Variants in NALF1 observed in about 807,000 individuals in gnomAD.
NALF1 encodes the protein family with sequence similarity 155 member A.
Under a neutral mutation model 48.4 loss-of-function variants are expected in NALF1, and 3 were observed. The ratio of observed to expected loss-of-function variants is 0.06; its 90% CI spans 0.03 to 0.16. The LOEUF (loss-of-function observed/expected upper bound fraction) is 0.16. NALF1 is among the 10% of genes least tolerant of loss of function. NALF1 has a pLI of 1.00. For missense variants in NALF1, 526 were observed against 571.5 expected (o/e 0.92, Z 0.81); for synonymous variants, 262 against 245.7 (o/e 1.07, Z -0.62).
At chr13:107,343,621 C>T (rs547167959) in intron 1 of NALF1, among the ~76,000 whole-genome samples, 3 of 152,120 alleles carry the variant, frequency 2.0e-5, no homozygotes, top group East Asian at 1.9e-4. Context: ...TGCCCAGTCT[C>T]GGGTATGTCT....
intron 1 of NALF1, among the ~76,000 whole-genome samples, chr13:107,684,119 G>C (rs1226363557): frequency 1.4e-4 from 21 of 152,210 alleles, no homozygotes; most frequent in Non-Finnish European, 2.9e-4. Context: ...CCAGCCATCT[G>C]TGGCTCCCAA....
chr13:107,534,247 C>G (rs1488391668), intron 1 of NALF1, among the ~76,000 whole-genome samples: 1 of 151,926 alleles, frequency 6.6e-6, no homozygotes, highest in African/African-American at 2.4e-5. Context: ...CTTTTTAGAG[C>G]CACAAACATG....
intron 1 of NALF1, among the ~76,000 whole-genome samples, chr13:107,317,097 A>G (rs996336549): frequency 1.3e-5 from 2 of 152,154 alleles, no homozygotes; most frequent in Admixed American, 6.6e-5. Flanking sequence ...TTAGTAACCA[A>G]GACTATAATT....
chr13:107,199,797 T>C (rs1879471939), intron 2 of NALF1, among the ~76,000 whole-genome samples: 1 of 152,140 alleles, frequency 6.6e-6, no homozygotes, highest in South Asian at 2.1e-4. Flanking sequence ...TCTTTCTGAC[T>C]CCCAATGGAG....
chr13:107,565,096 TA>T (rs1566395304), intron 1 of NALF1, among the ~76,000 whole-genome samples: 1 of 55,342 alleles, frequency 1.8e-5, no homozygotes, highest in East Asian at 5.1e-4. Context: ...CTAGCATAAG[TA>T]AAAGACAAAA....
chr13:107,495,722 G>C (rs569132115), intron 1 of NALF1, among the ~76,000 whole-genome samples: 4 of 152,246 alleles, frequency 2.6e-5, no homozygotes, highest in African/African-American at 9.6e-5. Flanking sequence ...TTGTAGACAA[G>C]ATGGTTATCA....
chr13:107,611,983 AAGAGGAGAGG>A (rs529276071), intron 1 of NALF1, among the ~76,000 whole-genome samples: 5 of 142,384 alleles, frequency 3.5e-5, no homozygotes, highest in African/African-American at 1.3e-4. Flanking sequence ...AAGAGAAGAG[AAGAGGAGAGG>A]AGAGGAGAGA....
intron 1 of NALF1, among the ~76,000 whole-genome samples, chr13:107,545,377 A>G (rs759281458): frequency 6.6e-6 from 1 of 152,314 alleles, no homozygotes; most frequent in East Asian, 1.9e-4. Context: ...CTCCAACACC[A>G]TGATTTCAGA....
chr13:107,439,570 T>C (rs1884523290), intron 1 of NALF1, among the ~76,000 whole-genome samples: 1 of 152,224 alleles, frequency 6.6e-6, no homozygotes, highest in African/African-American at 2.4e-5. Context: ...AAAGAAGGGC[T>C]CCTCTCCAAA....
At chr13:107,513,601 C>A (rs1162666221) in intron 1 of NALF1, among the ~76,000 whole-genome samples, 2 of 151,882 alleles carry the variant, frequency 1.3e-5, no homozygotes, top group African/African-American at 2.4e-5. Context: ...ATAGAAAGCA[C>A]AAGTATTGCC....
intron 1 of NALF1, among the ~76,000 whole-genome samples, chr13:107,570,515 A>C (rs553146232): frequency 6.6e-6 from 1 of 151,464 alleles, no homozygotes; most frequent in Non-Finnish European, 1.5e-5. Context: ...GAACCAGCCT[A>C]GTATTCCTGA....
At chr13:107,267,889 G>A (rs1036085438) in intron 1 of NALF1, among the ~76,000 whole-genome samples, 6 of 151,892 alleles carry the variant, frequency 4.0e-5, no homozygotes, top group African/African-American at 9.7e-5. Flanking sequence ...GAGGATTCAC[G>A]TCTCGGGCAG....
chr13:107,220,739 C>T lies in NALF1; in HGVS notation c.916-9984G>A, dbSNP rs180680511. Reference sequence around the variant, plus strand: ...GTGAATGCTCCCGTCAGTGCACCTCCGTGTGGAGGGAGCAGAAGTCAATGG... The same window carrying T: ...GTGAATGCTCCCGTCAGTGCACCTCTGTGTGGAGGGAGCAGAAGTCAATGG... On this transcript the variant is annotated intron_variant, in intron 1 of 2. Coordinates refer to ENST00000375915, the MANE Select transcript of NALF1 (RefSeq NM_001080396.3). Among the ~76,000 whole-genome samples, 10 of 152,160 alleles carry T rather than the reference C, an allele frequency of 6.6e-5. No homozygotes were observed. The East Asian group carries it at 1.6e-3, about 24-fold the overall frequency.
At chr13:107,413,341 A>G (rs760237098) in intron 1 of NALF1, among the ~76,000 whole-genome samples, 101 of 152,338 alleles carry the variant, frequency 6.6e-4, no homozygotes, top group Non-Finnish European at 2.8e-4. Flanking sequence ...TCACTGCTAC[A>G]TCTTAAGTTA....
At chr13:107,279,577 TA>T (rs1406857115) in intron 1 of NALF1, among the ~76,000 whole-genome samples, 1 of 152,048 alleles carries the variant, frequency 6.6e-6, no homozygotes, top group African/African-American at 2.4e-5. Flanking sequence ...ATTTCTAAAG[TA>T]AAATTCTCCA....
At chr13:107,360,861 T>G (rs1382867009) in intron 1 of NALF1, among the ~76,000 whole-genome samples, 1 of 152,058 alleles carries the variant, frequency 6.6e-6, no homozygotes, top group Non-Finnish European at 1.5e-5. Flanking sequence ...CCCTCCTCCC[T>G]CTCTCTCTTA....
intron 1 of NALF1, among the ~76,000 whole-genome samples, chr13:107,568,839 G>C (rs1877895111): frequency 6.6e-6 from 1 of 152,054 alleles, no homozygotes; most frequent in Admixed American, 6.5e-5. Context: ...TAAATACAAG[G>C]TCATTGTCAG....
chr13:107,249,799 G>A (rs16969935), intron 1 of NALF1, among the ~76,000 whole-genome samples: 19,167 of 151,852 alleles, frequency 0.13, 1,583 homozygotes, highest in East Asian at 0.41. Context: ...TTTTCTTTTG[G>A]AATGGTGTTT....
At chr13:107,227,435 G>T (rs1880129341) in intron 1 of NALF1, among the ~76,000 whole-genome samples, 3 of 152,190 alleles carry the variant, frequency 2.0e-5, no homozygotes, top group Admixed American at 2.0e-4. Flanking sequence ...TAAACACCAG[G>T]TCTATAGAAG....
Sources: allele counts gnomAD v4.1 joint callset (sites outside exome capture counted in the v4.1 genomes callset), GRCh38; gene constraint gnomAD v4.1.1; transcripts MANE v1.5; gene names NCBI Gene and HGNC (gene_info 2026-07-23, HGNC 2026-07-21).